Variants in HIVEP3 observed in about 807,000 individuals in gnomAD.
The protein encoded by HIVEP3 is transcription factor HIVEP3.
In HIVEP3, 49 loss-of-function variants were observed where a neutral mutation model predicts 152.8. The observed-to-expected ratio is 0.32, with a 90% CI of 0.26 to 0.41. The LOEUF is 0.41. HIVEP3 is among the 10% of genes least tolerant of loss of function. The pLI is 1.00. For synonymous variants in HIVEP3, 1,269 were observed against 1,289.0 expected, an observed-to-expected ratio of 0.98 and a Z score of 0.33; for missense variants, 2,790 against 3,103.3, an observed-to-expected ratio of 0.90 and a Z score of 2.40.
In HIVEP3 at chr1:41,854,125, C is replaced by T. The variant is rs573308746; in HGVS notation, c.-801+64288G>A. Among the ~76,000 whole-genome samples, 330 of 152,260 alleles carry T rather than the reference C, an allele frequency of 2.2e-3. 4 individuals are homozygous for T. Among genetic ancestry groups the T allele is most frequent in the African/African-American group, 7.6e-3 (317 of 41,520 alleles). On this transcript the variant is annotated intron_variant, in intron 1 of 8. Transcript: ENST00000372583. ...ATCGGCTTTCTCTCTCCCTCTCTCT[C>T]TCCCTCTCTCTGTCCCACCTCCTCT... is the stretch of plus-strand genomic sequence containing the variant.
intron 1 of HIVEP3, among the ~76,000 whole-genome samples, chr1:41,838,642 G>A (rs1052697548): frequency 6.6e-6 from 1 of 152,110 alleles, no homozygotes; most frequent in African/African-American, 2.4e-5. Context: ...GCATCTCCCT[G>A]TGCAAAGAAC....
intron 1 of HIVEP3, among the ~76,000 whole-genome samples, chr1:42,012,889 C>T (rs185649506): frequency 5.3e-5 from 8 of 152,188 alleles, no homozygotes; most frequent in African/African-American, 1.7e-4. Context: ...CCAGTCTATG[C>T]TACTTTGTTA....
rs187780684 is a variant in HIVEP3 at position 41,753,916 on chromosome 1, C to T, written c.-800-52921G>A. 3.9e-3 allele frequency among the ~76,000 whole-genome samples: 597 copies of T among 152,130 alleles called. 5 individuals are homozygous for T. The highest frequency in any genetic ancestry group is 0.014 in the African/African-American group (576 of 41,482). Reference sequence around the variant, plus strand: ...GGAACCAGTAAGCAAGTGCAATATCCGTTGTGGGTCAGCGGGTGGTGGGGG... The same window carrying T: ...GGAACCAGTAAGCAAGTGCAATATCTGTTGTGGGTCAGCGGGTGGTGGGGG... On this transcript the variant is annotated intron_variant, in intron 1 of 8. Coordinates refer to ENST00000372583, the MANE Select transcript of HIVEP3 (RefSeq NM_024503.5).
In HIVEP3 at chr1:41,745,751, T is replaced by C. The variant is rs1304134468; in HGVS notation, c.-800-44756A>G. On this transcript the variant is annotated intron_variant, in intron 1 of 8. Transcript: ENST00000372583. The stretch of plus-strand genomic sequence containing the variant: ...GATAAAAGCCTGAATTAGAGCAGGG[T>C]TGTGGGGGTGGGAATATGGGAGGAA... 4.6e-5 allele frequency among the ~76,000 whole-genome samples: 7 copies of C among 151,962 alleles called. 1 individual carries two copies. Among genetic ancestry groups the C allele is most frequent in the East Asian group, 1.9e-4 (1 of 5,164 alleles).
intron 1 of HIVEP3, among the ~76,000 whole-genome samples, chr1:41,955,418 C>T (rs1015200166): frequency 1.3e-5 from 2 of 152,082 alleles, no homozygotes; most frequent in Non-Finnish European, 2.9e-5. Context: ...TATGAGACCA[C>T]CTAAGTTTAG....
At chr1:41,550,909 T>C (rs1377324481) in intron 5 of HIVEP3, among the ~76,000 whole-genome samples, 1 of 152,220 alleles carries the variant, frequency 6.6e-6, no homozygotes, top group Non-Finnish European at 1.5e-5. Context: ...CTTCCAACAC[T>C]ATGTTGAATA....
chr1:41,801,102 G>A (rs907525523), intron 1 of HIVEP3, among the ~76,000 whole-genome samples: 1 of 152,212 alleles, frequency 6.6e-6, no homozygotes, highest in Non-Finnish European at 1.5e-5. Flanking sequence ...GACAGGCAGT[G>A]TAACCGTGGG....
intron 1 of HIVEP3, among the ~76,000 whole-genome samples, chr1:41,743,950 G>C (rs1288072677): frequency 6.6e-6 from 1 of 152,158 alleles, no homozygotes; most frequent in East Asian, 1.9e-4. Flanking sequence ...TTCTACCCGT[G>C]TCAAAAATTC....
chr1:41,844,143 A>G (rs1041056806), intron 1 of HIVEP3, among the ~76,000 whole-genome samples: 1 of 152,210 alleles, frequency 6.6e-6, no homozygotes, highest in African/African-American at 2.4e-5. Flanking sequence ...CTCTGACACC[A>G]AGGAACAAAA....
At chr1:41,675,772 T>C (rs1027004695) in intron 2 of HIVEP3, among the ~76,000 whole-genome samples, 9 of 152,230 alleles carry the variant, frequency 5.9e-5, no homozygotes, top group African/African-American at 2.2e-4. Context: ...TAGAATATGA[T>C]TCAAACTCAG....
intron 1 of HIVEP3, among the ~76,000 whole-genome samples, chr1:41,801,388 G>T (rs759667927): frequency 1.3e-5 from 2 of 152,006 alleles, no homozygotes; most frequent in Non-Finnish European, 2.9e-5. Flanking sequence ...ACTCCCTCCT[G>T]CACCCAGCCC....
intron 1 of HIVEP3, among the ~76,000 whole-genome samples, chr1:41,838,537 C>T (rs749203732): frequency 3.3e-5 from 5 of 152,142 alleles, no homozygotes; most frequent in Non-Finnish European, 7.3e-5. Context: ...CACATTGTCT[C>T]GTCCTTACCC....
chr1:41,942,852 A>G (rs902449138), intron 1 of HIVEP3, among the ~76,000 whole-genome samples: 1 of 152,088 alleles, frequency 6.6e-6, no homozygotes, highest in African/African-American at 2.4e-5. Context: ...ATAATATGCT[A>G]CTTTTTAATA....
At chr1:41,752,414 G>A (rs1302883097) in intron 1 of HIVEP3, among the ~76,000 whole-genome samples, 1 of 152,206 alleles carries the variant, frequency 6.6e-6, no homozygotes, top group East Asian at 1.9e-4. Context: ...CTCCAAAGAG[G>A]GGAAAAAGAC....
chr1:41,944,971 T>A (rs1477176798), intron 1 of HIVEP3, among the ~76,000 whole-genome samples: 1 of 152,116 alleles, frequency 6.6e-6, no homozygotes, highest in East Asian at 1.9e-4. Context: ...GGCCACAATA[T>A]CCTCTTCAAG....
intron 3 of HIVEP3, among the ~76,000 whole-genome samples, chr1:41,621,600 C>T (rs372497865): frequency 2.0e-5 from 3 of 152,238 alleles, no homozygotes; most frequent in East Asian, 1.9e-4. Flanking sequence ...CTGCAGCCTC[C>T]GTCTCCTGGG....
chr1:41,964,888 G>A (rs1039679205), intron 1 of HIVEP3, among the ~76,000 whole-genome samples: 2 of 152,274 alleles, frequency 1.3e-5, no homozygotes, highest in South Asian at 2.1e-4. Context: ...CAAGAGCAGT[G>A]CACCCGTTCT....
In HIVEP3 at chr1:41,513,641, G is replaced by A. The variant is rs374343754; in HGVS notation, c.5580C>T (p.Asp1860=). ...CCTCCTCATCCTCATCCTCGTCTTCGTCCAGGTCTGAGTCTGAGTCCGAGT... is the reference window on the plus strand; with the variant it reads ...CCTCCTCATCCTCATCCTCGTCTTCATCCAGGTCTGAGTCTGAGTCCGAGT... ...LEDSDSDSDL[D]EDEDEDEEES... The change falls in exon 8 of 9, where the codon GAC becomes GAT. Residue 1860 remains aspartate, a synonymous_variant. Coordinates refer to ENST00000372583, the MANE Select transcript of HIVEP3 (RefSeq NM_024503.5). 2.0e-5 allele frequency: 32 copies of A among 1,613,734 alleles called. No individual in the cohort carries two copies. Among genetic ancestry groups the A allele is most frequent in the Admixed American group, 1.2e-4 (7 of 59,986 alleles).
At chr1:41,752,044 T>G (rs1215639614) in intron 1 of HIVEP3, among the ~76,000 whole-genome samples, 1 of 152,218 alleles carries the variant, frequency 6.6e-6, no homozygotes, top group Non-Finnish European at 1.5e-5. Context: ...AAGTCTTACC[T>G]ATGTCATCAC....
Sources: allele counts gnomAD v4.1 joint callset (sites outside exome capture counted in the v4.1 genomes callset), GRCh38; gene constraint gnomAD v4.1.1; transcripts MANE v1.5; gene names NCBI Gene and HGNC (gene_info 2026-07-23, HGNC 2026-07-21).